Variants in SH3YL1 observed in about 807,000 individuals in gnomAD.
SH3YL1 encodes the protein SH3 domain-containing YSC84-like protein 1.
SH3YL1 carries 41 observed loss-of-function variants against 45.8 expected under a neutral mutation model. The ratio of observed to expected loss-of-function variants is 0.89; its 90% confidence interval spans 0.70 to 1.16. The LOEUF is 1.16. SH3YL1 is among the 50% of genes most tolerant of loss of function. The pLI is 0.00. For missense variants in SH3YL1, 389 were observed against 409.6 expected (o/e 0.95, Z 0.43); for synonymous variants, 152 against 151.4 (o/e 1.00, Z -0.03).
chr2:258,352 T>A (rs940693240), intron 1 of SH3YL1, among the ~76,000 whole-genome samples: 1 of 152,228 alleles, frequency 6.6e-6, no homozygotes, highest in Non-Finnish European at 1.5e-5. Context: ...TAATTCTTGT[T>A]GTAGAGATCT....
intron 6 of SH3YL1, among the ~76,000 whole-genome samples, chr2:231,720 T>G (rs866587730): frequency 6.6e-6 from 1 of 152,218 alleles, no homozygotes; most frequent in African/African-American, 2.4e-5. Context: ...TTAGTTGAAC[T>G]TTAGTGGGAA....
At chr2:233,815 A>T (rs963279102) in intron 5 of SH3YL1, among the ~76,000 whole-genome samples, 4 of 152,206 alleles carry the variant, frequency 2.6e-5, no homozygotes, top group Non-Finnish European at 2.9e-5. Context: ...ACTTTGAAAA[A>T]AGCTCTTTCT....
At chr2:251,823 T>C (rs1014002731) in intron 2 of SH3YL1, among the ~76,000 whole-genome samples, 1 of 152,224 alleles carries the variant, frequency 6.6e-6, no homozygotes, top group African/African-American at 2.4e-5. Context: ...TGATTAAGAT[T>C]ATTAAAACAA....
At chr2:249,186 T>A (rs1433166737) in intron 3 of SH3YL1, among the ~76,000 whole-genome samples, 3 of 152,220 alleles carry the variant, frequency 2.0e-5, no homozygotes, top group African/African-American at 7.2e-5. Flanking sequence ...ATGGCAAATA[T>A]TTTGATTTCA....
intron 1 of SH3YL1, among the ~76,000 whole-genome samples, chr2:257,253 ATTTTTG>A (rs1669379731): frequency 6.6e-6 from 1 of 151,994 alleles, no homozygotes; most frequent in South Asian, 2.1e-4. Context: ...CCATTTGTCA[ATTTTTG>A]TTTTTGTTGT....
intron 3 of SH3YL1, among the ~76,000 whole-genome samples, chr2:248,090 G>A (rs867965343): frequency 1.3e-5 from 2 of 152,156 alleles, no homozygotes; most frequent in Admixed American, 6.5e-5. Flanking sequence ...AACACCTCTC[G>A]TGCTTAAGCA....
rs927151550 is a variant in SH3YL1, at chr2:218,687, C to A, written c.*124G>T. 5 of 800,160 alleles carry A rather than the reference C, an allele frequency of 6.2e-6. No homozygotes were observed. The highest frequency in any genetic ancestry group is 2.7e-5 in the East Asian group (1 of 36,370). The allele number at this position is 800,160 out of a possible 1,614,324, so 49.6% of individuals were successfully genotyped here. A position where few individuals can be genotyped will look rare whatever the true frequency, so the allele number is the denominator to read the frequency against. On this transcript the variant is annotated 3_prime_UTR_variant, in exon 10 of 10. Coordinates refer to ENST00000356150, the MANE Select transcript of SH3YL1 (RefSeq NM_015677.4). ...ATAGAAAAACAAAATCTTTTACATA[C>A]GGAATGGAAATTTTGTAGAACAGAA...
chr2:229,591 T>C (rs1480077750), intron 8 of SH3YL1, among the ~76,000 whole-genome samples: 6 of 150,280 alleles, frequency 4.0e-5, no homozygotes, highest in East Asian at 3.9e-4. Context: ...TAGCCGGGCG[T>C]AGTGGCGGGC....
rs1446447396 is a variant in SH3YL1, at chr2:247,583, G to A, written c.246C>T (p.Ala82=). The A allele has an allele frequency of 6.4e-7, 1 of 1,551,556 alleles. No homozygotes were observed. Among genetic ancestry groups the A allele is most frequent in the Non-Finnish European group, 8.7e-7 (1 of 1,146,922 alleles). ...CTCCACCAAGGCCAGCTATCCCAAT[G>A]GCTGAGGGTGCAGACCATTCTAATA... ...LPDGKWSAPS[A]IGIAGLGGGF... The change falls in exon 4 of 10, where the codon GCC becomes GCT. Residue 82 remains alanine, a synonymous_variant. Transcript: ENST00000356150.
intron 9 of SH3YL1, among the ~76,000 whole-genome samples, chr2:219,857 C>T (rs1158081810): frequency 6.6e-6 from 1 of 151,938 alleles, no homozygotes; most frequent in East Asian, 1.9e-4. Flanking sequence ...TCCATCCTCT[C>T]AATATCAGAG....
chr2:245,234 C>CAG (rs1404017254), intron 4 of SH3YL1, among the ~76,000 whole-genome samples: 1 of 152,174 alleles, frequency 6.6e-6, no homozygotes, highest in Non-Finnish European at 1.5e-5. Flanking sequence ...GAAGCAAAGT[C>CAG]AGATCATGGT....
intron 4 of SH3YL1, 108 bp downstream of exon 4, chr2:247,430 G>T: frequency 2.6e-6 from 2 of 756,984 alleles, no homozygotes; most frequent in Non-Finnish European, 4.1e-6. Flanking sequence ...TTTCCTAAGT[G>T]CCAATGGTAA....
chr2:219,715 G>T (rs1014185490), intron 9 of SH3YL1, among the ~76,000 whole-genome samples: 2 of 152,190 alleles, frequency 1.3e-5, no homozygotes, highest in African/African-American at 4.8e-5. Context: ...AACCCTAGGA[G>T]ATTCAACTTT....
intron 6 of SH3YL1, among the ~76,000 whole-genome samples, chr2:231,805 G>C (rs1338190445): frequency 1.3e-5 from 2 of 152,174 alleles, no homozygotes; most frequent in African/African-American, 4.8e-5. Flanking sequence ...AATAAAGCCA[G>C]GAGTTAACAC....
rs1395972984 is a variant in SH3YL1 at position 249,855 on chromosome 2, G to A, written c.113-11C>T. 6.6e-7 allele frequency: 1 copy of A among 1,519,478 alleles called. No individual in the cohort carries two copies. Among genetic ancestry groups the A allele is most frequent in the Non-Finnish European group, 8.9e-7 (1 of 1,117,468 alleles). 94.1% of individuals were successfully genotyped at this position (1,519,478 alleles called of 1,614,324 possible). On this transcript the variant is annotated splice_polypyrimidine_tract_variant and intron_variant, in intron 2 of 9. Coordinates refer to ENST00000356150, the MANE Select transcript of SH3YL1 (RefSeq NM_015677.4). ...TCGCAATTACGTGAGCTGTTAACGTGGAAAACAATGGGAAGGTAAGCATTT... is the reference window on the plus strand; with the variant it reads ...TCGCAATTACGTGAGCTGTTAACGTAGAAAACAATGGGAAGGTAAGCATTT...
intron 3 of SH3YL1, 103 bp downstream of exon 3, chr2:249,628 A>G (rs1668986236): frequency 1.2e-6 from 1 of 810,106 alleles, no homozygotes. Flanking sequence ...GTTTTAGTTG[A>G]TATGCAGGAA....
intron 9 of SH3YL1, among the ~76,000 whole-genome samples, chr2:220,498 C>T (rs1045761128): frequency 6.6e-6 from 1 of 152,092 alleles, no homozygotes; most frequent in African/African-American, 2.4e-5. Flanking sequence ...AAGAATGTCA[C>T]CAAAATAAAA....
chr2:231,893 GTTTATATTTAGC>G (rs1160347188), intron 6 of SH3YL1, among the ~76,000 whole-genome samples: 1 of 151,756 alleles, frequency 6.6e-6, no homozygotes, highest in East Asian at 1.9e-4. Flanking sequence ...ACCTCTTGTG[GTTTATATTTAGC>G]TTTATTAAAT....
intron 4 of SH3YL1, chr2:239,786 A>T (rs2103035255): frequency 6.6e-6 from 1 of 152,358 alleles, no homozygotes; most frequent in South Asian, 2.1e-4. Context: ...AAATTATTTT[A>T]AAAATTAACA....
Sources: allele counts gnomAD v4.1 joint callset (sites outside exome capture counted in the v4.1 genomes callset), GRCh38; gene constraint gnomAD v4.1.1; transcripts MANE v1.5; gene names NCBI Gene and HGNC (gene_info 2026-07-23, HGNC 2026-07-21).